TECRL: variants seen among roughly 807,000 people sequenced by gnomAD.
TECRL encodes trans-2,3-enoyl-CoA reductase like.
In TECRL, 63 loss-of-function variants were observed where a neutral mutation model predicts 52.8. That is an observed-to-expected ratio of 1.19 (90% CI 0.97 to 1.47). The LOEUF (loss-of-function observed/expected upper bound fraction) is 1.47, where lower values mean the gene tolerates loss of function less well. Ranked by LOEUF, TECRL falls within the 40% of genes most tolerant of loss-of-function variation. The probability of loss-of-function intolerance (pLI) is 0.00; values close to 1 mark genes in which losing one functional copy is unlikely to be tolerated. For synonymous variants in TECRL, 164 were observed against 141.9 expected (o/e 1.16, Z -1.10); for missense variants, 482 against 429.6 (o/e 1.12, Z -1.08).
intron 1 of TECRL, among the ~76,000 whole-genome samples, chr4:64,405,540 G>C (rs915652960): frequency 1.3e-5 from 2 of 152,114 alleles, no homozygotes; most frequent in Admixed American, 1.3e-4. Flanking sequence ...CAGTTTTAGA[G>C]ATATTAAGTT....
intron 4 of TECRL, among the ~76,000 whole-genome samples, chr4:64,317,605 C>A (rs1577861659): frequency 6.6e-6 from 1 of 152,264 alleles, no homozygotes; most frequent in East Asian, 1.9e-4. Context: ...ACAGTAAGAT[C>A]ACTTTGTACT....
At chr4:64,314,041 T>A (rs1717287323) in intron 5 of TECRL, among the ~76,000 whole-genome samples, 1 of 145,680 alleles carries the variant, frequency 6.9e-6, no homozygotes, top group Non-Finnish European at 1.5e-5. Context: ...TCCCAGCTAC[T>A]CGGGAGGCTG....
chr4:64,319,780 A>C (rs1297698119), intron 4 of TECRL, among the ~76,000 whole-genome samples: 1 of 151,942 alleles, frequency 6.6e-6, no homozygotes, highest in Admixed American at 6.6e-5. Flanking sequence ...AAAGGAACCA[A>C]TTATTGATAC....
At chr4:64,360,494 T>C (rs1021662344) in intron 2 of TECRL, among the ~76,000 whole-genome samples, 13 of 152,096 alleles carry the variant, frequency 8.5e-5, no homozygotes, top group Non-Finnish European at 1.5e-4. Flanking sequence ...TAAGATTAGA[T>C]AACATTAACT....
At chr4:64,307,283 C>T (rs979183289) in intron 6 of TECRL, among the ~76,000 whole-genome samples, 2 of 152,148 alleles carry the variant, frequency 1.3e-5, no homozygotes, top group African/African-American at 4.8e-5. Context: ...AAGTGGGAAG[C>T]TTTGGGTATG....
chr4:64,339,667 G>C (rs887943303), intron 2 of TECRL, among the ~76,000 whole-genome samples: 1 of 151,816 alleles, frequency 6.6e-6, no homozygotes, highest in Non-Finnish European at 1.5e-5. Flanking sequence ...TTAGGTCCTT[G>C]ATCTACTCAA....
chr4:64,291,935 G>A, intron 8 of TECRL, among the ~76,000 whole-genome samples: 1 of 151,950 alleles, frequency 6.6e-6, no homozygotes, highest in Non-Finnish European at 1.5e-5. Flanking sequence ...TATGCTTAGA[G>A]ATTCTTAAAT....
intron 2 of TECRL, among the ~76,000 whole-genome samples, chr4:64,349,233 A>G (rs1720210566): frequency 6.6e-6 from 1 of 151,302 alleles, no homozygotes. Context: ...CCTGGGTTCA[A>G]GCAATTCTCC....
intron 6 of TECRL, among the ~76,000 whole-genome samples, chr4:64,306,528 A>G (rs1014264549): frequency 1.3e-5 from 2 of 152,088 alleles, no homozygotes; most frequent in African/African-American, 4.8e-5. Flanking sequence ...AATGTTATGT[A>G]TGTTTTTGCA....
chr4:64,322,914 C>T (rs1577870899), intron 3 of TECRL, 122 bp from the exon 4 acceptor site: 1 of 712,056 alleles, frequency 1.4e-6, no homozygotes, highest in Admixed American at 3.3e-5. Flanking sequence ...TTACAATGTA[C>T]AAGAAATCTT....
At chr4:64,325,764 G>A (rs944344926) in intron 3 of TECRL, among the ~76,000 whole-genome samples, 6 of 152,002 alleles carry the variant, frequency 3.9e-5, no homozygotes, top group Non-Finnish European at 5.9e-5. Context: ...TTAGAAAAGG[G>A]GTTAGTTTCT....
downstream of TECRL, chr4:64,276,431 T>A (rs184084048): frequency 6.6e-6 from 1 of 152,030 alleles, no homozygotes; most frequent in East Asian, 1.9e-4. Flanking sequence ...TATTGTTAAT[T>A]TGTATAATGT....
intron 2 of TECRL, among the ~76,000 whole-genome samples, chr4:64,374,535 A>G (rs570144122): frequency 2.6e-5 from 4 of 152,036 alleles, no homozygotes; most frequent in Admixed American, 6.6e-5. Flanking sequence ...AGAATTAGGT[A>G]TATCTCCTAA....
At chr4:64,348,318 A>G (rs967928004) in intron 2 of TECRL, among the ~76,000 whole-genome samples, 1 of 152,158 alleles carries the variant, frequency 6.6e-6, no homozygotes, top group African/African-American at 2.4e-5. Context: ...ATCTTGCGAG[A>G]ATTCACTCAC....
Position 64,409,003 on chromosome 4 carries a change from G to A in TECRL, c.234+115C>T, listed in dbSNP as rs1724914818. ...TGTTCACCACAAAATTAAGGTAAAA[G>A]TCAGAAATGTATTTCAGAACAGTCG... On this transcript the variant is annotated intron_variant, in intron 1 of 11. Transcript: ENST00000381210. 3.2e-5 allele frequency: 31 copies of A among 964,396 alleles called. 1 individual carries two copies. The South Asian group carries it at 5.1e-4, about 16-fold the overall frequency. 59.7% of individuals were successfully genotyped at this position (964,396 alleles called of 1,614,324 possible).
At chr4:64,370,076 A>G (rs974882872) in intron 2 of TECRL, among the ~76,000 whole-genome samples, 1 of 152,016 alleles carries the variant, frequency 6.6e-6, no homozygotes, top group Non-Finnish European at 1.5e-5. Flanking sequence ...GTATAAAAAA[A>G]GATGTGAACA....
intron 1 of TECRL, among the ~76,000 whole-genome samples, chr4:64,380,421 T>G (rs1309796126): frequency 1.3e-5 from 2 of 152,078 alleles, no homozygotes; most frequent in East Asian, 3.9e-4. Flanking sequence ...TATGTTCCCA[T>G]TTGTGTATTT....
chr4:64,382,314 T>G (rs919304905), intron 1 of TECRL, among the ~76,000 whole-genome samples: 9 of 145,492 alleles, frequency 6.2e-5, no homozygotes, highest in Non-Finnish European at 9.0e-5. Context: ...ATATTATATA[T>G]TATATCTATA....
intron 7 of TECRL, among the ~76,000 whole-genome samples, chr4:64,301,108 T>C (rs1260092716): frequency 4.0e-5 from 6 of 150,864 alleles, no homozygotes; most frequent in Admixed American, 1.3e-4. Context: ...CTTGTTTTTA[T>C]GAAGTTTATA....
Sources: allele counts gnomAD v4.1 joint callset (sites outside exome capture counted in the v4.1 genomes callset), GRCh38; gene constraint gnomAD v4.1.1; transcripts MANE v1.5; gene names NCBI Gene and HGNC (gene_info 2026-07-23, HGNC 2026-07-21).